The following DAB1 variants were observed in gnomAD, a reference collection of about 807,000 sequenced individuals.
DAB1 encodes the protein disabled homolog 1.
In DAB1, 15 loss-of-function variants were observed where a neutral mutation model predicts 64.6. That is an observed-to-expected ratio of 0.23 (90% CI 0.16 to 0.36). The LOEUF (loss-of-function observed/expected upper bound fraction) is 0.36, where lower values mean the gene tolerates loss of function less well. Ranked by LOEUF, DAB1 falls within the 10% of genes least tolerant of loss-of-function variation. The probability of loss-of-function intolerance (pLI) is 1.00; values close to 1 mark genes in which losing one functional copy is unlikely to be tolerated. For missense variants in DAB1, 596 were observed against 706.7 expected, an observed-to-expected ratio of 0.84 and a Z score of 1.78; for synonymous variants, 235 against 251.9, an observed-to-expected ratio of 0.93 and a Z score of 0.64.
intron 6 of DAB1, among the ~76,000 whole-genome samples, chr1:57,742,916 G>C (rs1350155266): frequency 2.6e-5 from 4 of 152,192 alleles, no homozygotes; most frequent in Non-Finnish European, 5.9e-5. Flanking sequence ...CAAGCTGAGA[G>C]TTAATACCCA....
At chr1:57,638,311 TA>T (rs947559278) in intron 7 of DAB1, among the ~76,000 whole-genome samples, 3 of 152,238 alleles carry the variant, frequency 2.0e-5, no homozygotes, top group African/African-American at 7.2e-5. Flanking sequence ...TTATTAGAGT[TA>T]AATGAGGAGA....
chr1:58,340,972 C>A (rs921080511), intron 4 of DAB1, among the ~76,000 whole-genome samples: 1 of 152,128 alleles, frequency 6.6e-6, no homozygotes, highest in African/African-American at 2.4e-5. Flanking sequence ...GGGTTGTGTG[C>A]TTGAGGGCTA....
intron 3 of DAB1, among the ~76,000 whole-genome samples, chr1:58,366,560 C>T (rs1167885486): frequency 6.6e-6 from 1 of 152,160 alleles, no homozygotes. Context: ...TCCCAGGAAC[C>T]CAAGAGTGAA....
intron 4 of DAB1, among the ~76,000 whole-genome samples, chr1:58,154,103 C>A (rs1031202518): frequency 1.3e-5 from 2 of 151,978 alleles, no homozygotes; most frequent in African/African-American, 4.8e-5. Context: ...TGATCCATCA[C>A]CAAGGATGAA....
At chr1:57,989,698 AGGGCTGGG>A (rs1425763490) in intron 5 of DAB1, among the ~76,000 whole-genome samples, 1 of 152,186 alleles carries the variant, frequency 6.6e-6, no homozygotes, top group East Asian at 1.9e-4. Context: ...ATGGGGCACC[AGGGCTGGG>A]AGGCTCAGAG....
intron 1 of DAB1, among the ~76,000 whole-genome samples, chr1:57,857,357 A>C (rs1486445122): frequency 6.6e-6 from 1 of 152,208 alleles, no homozygotes; most frequent in Non-Finnish European, 1.5e-5. Flanking sequence ...TGGCATCTGG[A>C]GAAGATTCTG....
intron 1 of DAB1, among the ~76,000 whole-genome samples, chr1:57,848,226 G>A (rs566162837): frequency 2.0e-5 from 3 of 152,276 alleles, no homozygotes; most frequent in East Asian, 3.9e-4. Flanking sequence ...TAGACAAAAG[G>A]TGTAGTCTAT....
intron 6 of DAB1, among the ~76,000 whole-genome samples, chr1:57,689,076 T>C (rs1646733386): frequency 6.6e-6 from 1 of 152,116 alleles, no homozygotes; most frequent in African/African-American, 2.4e-5. Context: ...AAAGTTGAAA[T>C]TATTTTTTAA....
chr1:58,369,446 C>CT (rs1644245958), intron 3 of DAB1, among the ~76,000 whole-genome samples: 1 of 152,158 alleles, frequency 6.6e-6, no homozygotes, highest in Admixed American at 6.5e-5. Flanking sequence ...ACAGACTGTA[C>CT]TTTTTTCTTT....
chr1:58,161,302 C>G (rs1358948892), intron 4 of DAB1, among the ~76,000 whole-genome samples: 1 of 152,170 alleles, frequency 6.6e-6, no homozygotes, highest in Non-Finnish European at 1.5e-5. Context: ...AATGCATATT[C>G]ATGAACACAT....
In DAB1 at chr1:57,449,384, CTT is replaced by C. The variant is rs11418578; in HGVS notation, n.626-158220_626-158219del. ...CTTTTATCATTTTAGTGTCTATCTG[CTT>C]TTTTTTTTTTTTTGACGTGGTCTTG... On this transcript the variant is annotated intron_variant and non_coding_transcript_variant, in intron 7 of 20. Coordinates refer to the DAB1 transcript ENST00000485760. Among the ~76,000 whole-genome samples the C allele has an allele frequency of 6.9e-3, 965 of 139,532 alleles. 8 individuals carry two copies. The highest frequency in any genetic ancestry group is 0.023 in the African/African-American group (866 of 37,726). The allele number at this position is 139,532 out of a possible 152,430, so 91.5% of individuals were successfully genotyped here. A position where few individuals can be genotyped will look rare whatever the true frequency, so the allele number is the denominator to read the frequency against.
At chr1:58,163,743 C>T (rs184065598) in intron 4 of DAB1, among the ~76,000 whole-genome samples, 1 of 152,238 alleles carries the variant, frequency 6.6e-6, no homozygotes, top group East Asian at 1.9e-4. Context: ...AAGTGATGAC[C>T]CAAGGCAGCC....
chr1:57,496,101 T>C (rs758244769), intron 7 of DAB1, among the ~76,000 whole-genome samples: 35 of 152,170 alleles, frequency 2.3e-4, no homozygotes, highest in Non-Finnish European at 1.3e-4. Flanking sequence ...AAAATGTCAT[T>C]ATGATGTAGA....
chr1:57,022,429 C>T (rs1165925821), intron 11 of DAB1, among the ~76,000 whole-genome samples: 4 of 152,218 alleles, frequency 2.6e-5, no homozygotes, highest in Admixed American at 2.6e-4. Context: ...GGAAACTTCA[C>T]AATTGAATAC....
At chr1:57,201,707 C>T (rs1422949776) in intron 2 of DAB1, among the ~76,000 whole-genome samples, 1 of 152,084 alleles carries the variant, frequency 6.6e-6, no homozygotes, top group East Asian at 1.9e-4. Context: ...TCTCCCAAAG[C>T]TCTTATAATT....
chr1:58,368,907 G>A (rs1373030078), intron 3 of DAB1, among the ~76,000 whole-genome samples: 1 of 152,138 alleles, frequency 6.6e-6, no homozygotes, highest in African/African-American at 2.4e-5. Context: ...CATGCCTGTG[G>A]TCCCAGTTAC....
intron 1 of DAB1, among the ~76,000 whole-genome samples, chr1:57,415,280 C>CAT (rs57020595): frequency 0.023 from 3,309 of 145,308 alleles, 64 homozygotes; most frequent in Middle Eastern, 0.045. Flanking sequence ...CACACACACA[C>CAT]ATATATGCAC....
At chr1:57,107,541 A>C (rs1375837965) in intron 4 of DAB1, among the ~76,000 whole-genome samples, 1 of 152,114 alleles carries the variant, frequency 6.6e-6, no homozygotes, top group African/African-American at 2.4e-5. Context: ...ACCCCCACCC[A>C]GAACACAGTG....
At chr1:57,495,099 G>A (rs1291754784) in intron 7 of DAB1, among the ~76,000 whole-genome samples, 1 of 152,150 alleles carries the variant, frequency 6.6e-6, no homozygotes, top group Non-Finnish European at 1.5e-5. Context: ...CATGGCAGGA[G>A]TTCACAAAAC....
Sources: gnomAD v4.1 joint callset for allele counts (sites outside exome capture counted in the v4.1 genomes callset) on GRCh38, gnomAD v4.1.1 for gene constraint, MANE v1.5 for transcripts, NCBI Gene and HGNC (gene_info 2026-07-23, HGNC 2026-07-21) for gene names.